The following MMP10 variants were observed in gnomAD, a reference collection of about 807,000 sequenced individuals.
MMP10 encodes stromelysin-2.
MMP10 carries 50 observed loss-of-function variants against 49.1 expected under a neutral mutation model. The ratio of observed to expected loss-of-function variants is 1.02; its 90% CI spans 0.81 to 1.29. The LOEUF (loss-of-function observed/expected upper bound fraction) is 1.29. Ranked by LOEUF, MMP10 falls within the 50% of genes most tolerant of loss-of-function variation. The pLI is 0.00. For missense variants in MMP10, 613 were observed against 563.8 expected, an observed-to-expected ratio of 1.09 and a Z score of -0.88; for synonymous variants, 229 against 201.6, an observed-to-expected ratio of 1.14 and a Z score of -1.15.
At chr11:102,775,962 T>C (rs1373490933) in intron 6 of MMP10, among the ~76,000 whole-genome samples, 2 of 152,006 alleles carry the variant, frequency 1.3e-5, no homozygotes, top group East Asian at 1.9e-4. Context: ...CTGTAAAAAA[T>C]GATCTGGACA....
intron 4 of MMP10, 54 bp from the exon 5 acceptor site, chr11:102,776,830 CA>C (rs1857748444): frequency 1.2e-6 from 2 of 1,605,144 alleles, no homozygotes; most frequent in African/African-American, 2.7e-5. Flanking sequence ...TCCATAAATA[CA>C]CATACAGAAC....
chr11:102,778,815 A>AC, intron 3 of MMP10, 66 bp from the exon 4 acceptor site: 1 of 1,561,206 alleles, frequency 6.4e-7, no homozygotes, highest in East Asian at 2.2e-5. Context: ...TTCCAATTAA[A>AC]CAACAGTAGA....
chr11:102,773,116 T>C, intron 7 of MMP10, 110 bp from the exon 8 acceptor site: 1 of 962,182 alleles, frequency 1.0e-6, no homozygotes, highest in African/African-American at 1.6e-5. Context: ...TCCAACCTAA[T>C]AATGTCCAGT....
rs373709123 is a variant in MMP10 at position 102,779,489 on chromosome 11, A to T, written c.347+15T>A. The stretch of plus-strand genomic sequence containing the variant: ...AAGGTTTCAATATTATGTGAAAACT[A>T]ATCTGAACCATTACCTGTATGTAAG... On this transcript the variant is annotated intron_variant, in intron 2 of 9. Coordinates refer to ENST00000279441, the MANE Select transcript of MMP10 (RefSeq NM_002425.3). The T allele has an allele frequency of 9.3e-6, 15 of 1,613,494 alleles. No homozygotes were observed. The highest frequency in any genetic ancestry group is 1.7e-5 in the Admixed American group (1 of 59,890).
chr11:102,777,243 T>C (rs945778638), intron 4 of MMP10, among the ~76,000 whole-genome samples: 3 of 152,196 alleles, frequency 2.0e-5, no homozygotes, highest in African/African-American at 7.2e-5. Context: ...AGACTGTGGT[T>C]ATTTCTTGTG....
intron 5 of MMP10, 37 bp downstream of exon 5, chr11:102,776,575 T>A (rs371986589): frequency 6.3e-7 from 1 of 1,597,780 alleles, no homozygotes; most frequent in East Asian, 2.2e-5. Flanking sequence ...ACTGTCATTG[T>A]AGATCTGCAA....
At position 102,779,557 on chromosome 11, in the gene MMP10, G is replaced by C. The variant is rs150588971; in HGVS notation, c.294C>G (p.His98Gln). The change falls in exon 2 of 10, where the codon CAC becomes CAG. Residue 98 changes from histidine to glutamine, a missense_variant. Physicochemically the swap from His to Gln is conservative, Grantham distance 24. Coordinates refer to ENST00000279441, the MANE Select transcript of MMP10 (RefSeq NM_002425.3). Reference protein sequence around the residue: ...KPRCGVPDVGHFSSFPGMPKW... With the variant: ...KPRCGVPDVGQFSSFPGMPKW... ...TCGGCATGCCAGGAAAGGAGCTGAA[G>C]TGACCAACGTCAGGAACTCCACACC... is the stretch of plus-strand genomic sequence containing the variant. 6.2e-7 allele frequency: 1 copy of C among 1,613,968 alleles called. No individual in the cohort carries two copies. The highest frequency in any genetic ancestry group is 8.5e-7 in the Non-Finnish European group (1 of 1,180,034).
intron 1 of MMP10, 111 bp downstream of exon 1, chr11:102,780,376 A>G: frequency 1.2e-6 from 1 of 804,268 alleles, no homozygotes; most frequent in South Asian, 1.6e-5. Context: ...CTCTGATGCT[A>G]CAGTTTTCTA....
chr11:102,776,843 T>C, intron 4 of MMP10, 67 bp from the exon 5 acceptor site: 1 of 1,586,858 alleles, frequency 6.3e-7, no homozygotes, highest in Non-Finnish European at 8.6e-7. Flanking sequence ...ATACAGAACA[T>C]ATGCCAGCTG....
Position 102,775,399 on chromosome 11 carries a change from T to G in MMP10, c.933-78A>C, listed in dbSNP as rs1862012641. The G allele has an allele frequency of 3.2e-6, 4 of 1,237,542 alleles. No individual in the cohort carries two copies. In the South Asian group the frequency reaches 5.1e-5, roughly 16 times the overall value. 76.7% of individuals were successfully genotyped at this position (1,237,542 alleles called of 1,614,324 possible). ...AAAAAATTCTTTTTTTTTAAATCCA[T>G]GCTAATTCACCCATTCATAGAAGTC... On this transcript the variant is annotated intron_variant, in intron 6 of 9. Coordinates refer to ENST00000279441, the MANE Select transcript of MMP10 (RefSeq NM_002425.3).
At chr11:102,777,495 T>G (rs1213505957) in intron 4 of MMP10, among the ~76,000 whole-genome samples, 1 of 152,140 alleles carries the variant, frequency 6.6e-6, no homozygotes, top group Non-Finnish European at 1.5e-5. Context: ...TCTCAAGTGA[T>G]TCACCCAACT....
At chr11:102,774,994 A>G (rs1326211081) in intron 7 of MMP10, among the ~76,000 whole-genome samples, 194 bp downstream of exon 7, 1 of 152,240 alleles carries the variant, frequency 6.6e-6, no homozygotes, top group Admixed American at 6.5e-5. Context: ...TTTTTTATGA[A>G]TATGGAATGC....
chr11:102,773,636 G>A (rs1302160291), intron 7 of MMP10, among the ~76,000 whole-genome samples: 1 of 152,186 alleles, frequency 6.6e-6, no homozygotes, highest in East Asian at 1.9e-4. Context: ...AGCAGTTCCA[G>A]ATATGCTCTT....
chr11:102,777,571 T>G (rs1424579537), intron 4 of MMP10, among the ~76,000 whole-genome samples: 1 of 152,180 alleles, frequency 6.6e-6, no homozygotes, highest in African/African-American at 2.4e-5. Flanking sequence ...CAAATAATTT[T>G]TGATTGTCAA....
At chr11:102,776,911 T>C (rs1857749617) in intron 4 of MMP10, 135 bp from the exon 5 acceptor site, 5 of 994,344 alleles carry the variant, frequency 5.0e-6, no homozygotes, top group East Asian at 5.1e-5. Flanking sequence ...GGTTCATTGA[T>C]TGGCACATTC....
intron 9 of MMP10, among the ~76,000 whole-genome samples, chr11:102,771,249 C>T (rs1861972792): frequency 6.6e-6 from 1 of 152,076 alleles, no homozygotes; most frequent in South Asian, 2.1e-4. Context: ...ATTTTAAAAC[C>T]TTGTTTTACT....
In MMP10 at chr11:102,772,863, C is replaced by A. The variant is rs375465947; in HGVS notation, c.1210G>T (p.Ala404Ser). The change falls in exon 8 of 10, where the codon GCG becomes TCG. Residue 404 changes from alanine (A) to serine (S), a missense_variant. By Grantham distance (99) the Ala-to-Ser change is moderately conservative (BLOSUM62 1). Transcript: ENST00000279441. The surrounding 1 kb of genome is among the most constrained non-coding windows in gnomAD (Gnocchi z 4.4). ...KEKKKTYFFA[A>S]DKYWRFDENS... ...GCATCTCACCTCCAGTATTTGTCCGCTGCAAAGAAGTATGTTTTCTTCTTT... is the reference window on the plus strand; with the variant it reads ...GCATCTCACCTCCAGTATTTGTCCGATGCAAAGAAGTATGTTTTCTTCTTT... 8 of 1,611,850 alleles carry A rather than the reference C, an allele frequency of 5.0e-6. No individual in the cohort carries two copies. The highest frequency in any genetic ancestry group is 6.8e-6 in the Non-Finnish European group (8 of 1,179,266).
intron 4 of MMP10, among the ~76,000 whole-genome samples, chr11:102,777,939 G>T (rs1277076792): frequency 6.6e-6 from 1 of 152,034 alleles, no homozygotes; most frequent in African/African-American, 2.4e-5. Flanking sequence ...CCTGAGTCTT[G>T]TACTCAGGAA....
rs760424472 is a variant in MMP10 at position 102,779,565 on chromosome 11, C to A, written c.286G>T (p.Val96Phe). The part of the protein sequence containing the change: ...MRKPRCGVPD[V>F]GHFSSFPGMP... ...CCAGGAAAGGAGCTGAAGTGACCAA[C>A]GTCAGGAACTCCACACCTGGGCTTG... Residue 96 changes from valine to phenylalanine, a missense_variant, in exon 2 of 10, where the codon GTT becomes TTT. Physicochemically the swap from Val to Phe is conservative, Grantham distance 50. Coordinates refer to ENST00000279441, the MANE Select transcript of MMP10 (RefSeq NM_002425.3). The A allele has an allele frequency of 6.2e-7, 1 of 1,614,070 alleles. No individual in the cohort carries two copies. The highest frequency in any genetic ancestry group is 1.7e-5 in the Admixed American group (1 of 59,946).
Sources: allele counts gnomAD v4.1 joint callset (sites outside exome capture counted in the v4.1 genomes callset), GRCh38; gene constraint gnomAD v4.1.1; non-coding constraint Gnocchi (gnomAD v3.1); transcripts MANE v1.5; gene names NCBI Gene and HGNC (gene_info 2026-07-23, HGNC 2026-07-21).